The following PCDHA2 variants were observed in gnomAD, a reference collection of about 807,000 sequenced individuals.
PCDHA2 encodes protocadherin alpha-2.
PCDHA2 carries 58 observed loss-of-function variants against 66.0 expected under a neutral mutation model. The observed-to-expected ratio is 0.88, with a 90% CI of 0.71 to 1.09. The LOEUF (loss-of-function observed/expected upper bound fraction) is 1.09, where lower values mean the gene tolerates loss of function less well. Among genes scored for constraint, PCDHA2 ranks in the 50% least tolerant of loss-of-function variants. The pLI is 0.00. For synonymous variants in PCDHA2, 634 were observed against 554.0 expected, an observed-to-expected ratio of 1.14 and a Z score of -2.03; for missense variants, 1,267 against 1,242.3, an observed-to-expected ratio of 1.02 and a Z score of -0.30.
At chr5:140,923,664 T>C (rs898223251) in intron 1 of PCDHA2, among the ~76,000 whole-genome samples, 1 of 152,234 alleles carries the variant, frequency 6.6e-6, no homozygotes, top group Non-Finnish European at 1.5e-5. Context: ...CTTTGGGATA[T>C]CGTTCTCTCT....
chr5:140,835,233 G>A (rs2150232386), intron 1 of PCDHA2: 2 of 1,597,634 alleles, frequency 1.3e-6, no homozygotes, highest in Non-Finnish European at 1.7e-6. Context: ...CTTCTCCAGT[G>A]ATGTTTCTCC....
chr5:140,796,106 C>G lies in PCDHA2; in HGVS notation c.1142C>G (p.Thr381Arg). The change falls in exon 1 of 4, where the codon ACG (threonine) becomes AGG (arginine). Residue 381 changes from threonine to arginine, a missense_variant. Coordinates refer to ENST00000526136, the MANE Select transcript of PCDHA2 (RefSeq NM_018905.3). ...LITVSDRDSG[T>R]NGHVTCSLTP... ...ACGGTGTCGGATCGCGACTCTGGTACGAATGGACATGTCACCTGCTCCCTG... is the reference window on the plus strand; with the variant it reads ...ACGGTGTCGGATCGCGACTCTGGTAGGAATGGACATGTCACCTGCTCCCTG... The G allele has an allele frequency of 1.9e-6, 3 of 1,614,214 alleles. No homozygotes were observed. Among genetic ancestry groups the G allele is most frequent in the Non-Finnish European group, 2.5e-6 (3 of 1,180,044 alleles).
At chr5:140,828,942 T>G (rs2150161123) in intron 1 of PCDHA2, 2 of 1,614,258 alleles carry the variant, frequency 1.2e-6, no homozygotes, top group Admixed American at 3.3e-5. Context: ...TTTAATAGCC[T>G]TGTTGCAGCC....
At chr5:140,801,910 A>G (rs377749394) in intron 1 of PCDHA2, 78 of 1,614,048 alleles carry the variant, frequency 4.8e-5, no homozygotes, top group Middle Eastern at 1.6e-4. Flanking sequence ...GTAAACGACA[A>G]CGCCCCAGCG....
At chr5:140,980,728 A>T (rs1268236317) in intron 2 of PCDHA2, among the ~76,000 whole-genome samples, 1 of 152,168 alleles carries the variant, frequency 6.6e-6, no homozygotes, top group African/African-American at 2.4e-5. Context: ...TTCAATTAAG[A>T]TATTATGAGA....
chr5:140,871,071 G>C (rs1554165077), intron 1 of PCDHA2: 2 of 1,613,188 alleles, frequency 1.2e-6, no homozygotes, highest in East Asian at 2.2e-5. Context: ...ACGGTGAGCC[G>C]GCGCTGACGG....
chr5:140,801,446 T>C, intron 1 of PCDHA2: 2 of 1,613,918 alleles, frequency 1.2e-6, no homozygotes, highest in South Asian at 2.2e-5. Context: ...AGAATGGCAT[T>C]TTGTTTGTGA....
rs782295263 is a variant in PCDHA2, at chr5:140,801,949, T to C, written c.2388+4597T>C. ...GAGAGGACGATCTATAAAGTCAGAT[T>C]ACTCGAAAATGCACCAAATGGTACC... On this transcript the variant is annotated intron_variant, in intron 1 of 3. Transcript: ENST00000526136. 2.5e-6 allele frequency: 4 copies of C among 1,614,048 alleles called. No individual in the cohort carries two copies. Among genetic ancestry groups the C allele is most frequent in the East Asian group, 2.2e-5 (1 of 44,896 alleles).
At chr5:140,927,601 G>A (rs1490799029) in intron 1 of PCDHA2, 1 of 1,614,198 alleles carries the variant, frequency 6.2e-7, no homozygotes, top group Non-Finnish European at 8.5e-7. Flanking sequence ...TGAGCGCTCC[G>A]TATACCGCAC....
intron 1 of PCDHA2, among the ~76,000 whole-genome samples, chr5:140,918,383 C>A (rs1227959801): frequency 4.6e-5 from 7 of 152,124 alleles, no homozygotes. Flanking sequence ...CCTTTTATTT[C>A]TTTCTCTTGC....
chr5:140,962,034 C>T (rs527918306), intron 1 of PCDHA2, among the ~76,000 whole-genome samples: 1 of 152,172 alleles, frequency 6.6e-6, no homozygotes, highest in South Asian at 2.1e-4. Context: ...CAGGCACCCA[C>T]CACCATGCCT....
chr5:140,809,412 C>A (rs1428831386), intron 1 of PCDHA2: 20 of 1,614,092 alleles, frequency 1.2e-5, no homozygotes, highest in Non-Finnish European at 1.7e-5. Context: ...CTGGTGTGCT[C>A]CAGTGCGGTG....
intron 1 of PCDHA2, chr5:140,802,304 C>T: frequency 1.9e-6 from 3 of 1,614,232 alleles, no homozygotes; most frequent in Non-Finnish European, 1.7e-6. Flanking sequence ...GCACAGTCAT[C>T]GCTCTGATCA....
At chr5:140,828,301 C>A (rs2150153723) in intron 1 of PCDHA2, 1 of 1,614,080 alleles carries the variant, frequency 6.2e-7, no homozygotes, top group South Asian at 1.1e-5. Context: ...CCTCCAAAGA[C>A]CGCGAGGACC....
At position 140,978,795 on chromosome 5, in the gene PCDHA2, G is replaced by A. The variant is rs1437973642; in HGVS notation, c.2389-154G>A. 3 of 979,120 alleles carry A rather than the reference G, an allele frequency of 3.1e-6. No individual in the cohort carries two copies. The African/African-American group carries it at 5.3e-5, about 17-fold the overall frequency. The allele number at this position is 979,120 out of a possible 1,614,324, so 60.7% of individuals were successfully genotyped here. On this transcript the variant is annotated intron_variant, in intron 1 of 3. Coordinates refer to ENST00000526136, the MANE Select transcript of PCDHA2 (RefSeq NM_018905.3). ...AATTTTCTTCTAAAGTGCTATATAT[G>A]TAGATATCATCATAGAGTTACACAT...
At chr5:140,809,342 A>AC in intron 1 of PCDHA2, 1 of 1,614,026 alleles carries the variant, frequency 6.2e-7, no homozygotes, top group Non-Finnish European at 8.5e-7. Context: ...GCTGCTGTAC[A>AC]CCGCGCTGCG....
At chr5:140,883,417 A>C in intron 1 of PCDHA2, 3 of 1,614,146 alleles carry the variant, frequency 1.9e-6, no homozygotes, top group Non-Finnish European at 2.5e-6. Flanking sequence ...GCTCAAATGG[A>C]CAGGTCACCT....
chr5:140,809,503 C>T lies in PCDHA2; in HGVS notation c.2388+12151C>T, dbSNP rs782650472. 22 of 1,614,096 alleles carry T rather than the reference C, an allele frequency of 1.4e-5. No individual in the cohort carries two copies. The Admixed American group carries it at 2.5e-4, about 18-fold the overall frequency. On this transcript the variant is annotated intron_variant, in intron 1 of 3. Coordinates refer to ENST00000526136, the MANE Select transcript of PCDHA2 (RefSeq NM_018905.3). The stretch of plus-strand genomic sequence containing the variant: ...CACCCAAGACCGACCTCATGGCCTT[C>T]AGCCCCAGTTTACCTGACTCTAGGG...
chr5:140,850,185 G>A (rs2150471887), intron 1 of PCDHA2: 2 of 1,593,890 alleles, frequency 1.3e-6, no homozygotes, highest in South Asian at 1.1e-5. Context: ...CAATGCGCCG[G>A]CGCTGCTGAC....
Sources: allele counts gnomAD v4.1 joint callset (sites outside exome capture counted in the v4.1 genomes callset), GRCh38; gene constraint gnomAD v4.1.1; transcripts MANE v1.5; gene names NCBI Gene and HGNC (gene_info 2026-07-23, HGNC 2026-07-21).